FHIT: variants seen among roughly 807,000 people sequenced by gnomAD.
FHIT encodes bis(5'-adenosyl)-triphosphatase.
A neutral mutation model predicts 17.9 loss-of-function variants in FHIT; 19 were observed. The ratio of observed to expected loss-of-function variants is 1.06; its 90% CI spans 0.74 to 1.56. FHIT has a LOEUF of 1.56. Ranked by LOEUF, FHIT falls within the 40% of genes most tolerant of loss-of-function variation. The pLI is 0.00. For missense variants in FHIT, 248 were observed against 189.2 expected, an observed-to-expected ratio of 1.31 and a Z score of -1.82; for synonymous variants, 81 against 69.7, an observed-to-expected ratio of 1.16 and a Z score of -0.81.
intron 4 of FHIT, among the ~76,000 whole-genome samples, chr3:60,578,440 A>AACACACACACAC (rs71748891): frequency 0.025 from 3,667 of 144,314 alleles, 65 homozygotes; most frequent in South Asian, 0.047. Flanking sequence ...CCATCTACAA[A>AACACACACACAC]ACACACACAC....
chr3:59,862,860 TACTC>T (rs1382110453), intron 8 of FHIT, among the ~76,000 whole-genome samples: 1 of 142,986 alleles, frequency 7.0e-6, no homozygotes, highest in Non-Finnish European at 1.5e-5. Context: ...CCTGGGTACT[TACTC>T]ACCAACTTCC....
chr3:59,953,576 C>T (rs887016475), intron 7 of FHIT, among the ~76,000 whole-genome samples: 1 of 152,182 alleles, frequency 6.6e-6, no homozygotes, highest in Non-Finnish European at 1.5e-5. Context: ...CCCAACAAAA[C>T]TCATGCTGTA....
chr3:60,556,833 G>C (rs1839075), intron 4 of FHIT, among the ~76,000 whole-genome samples: 42,735 of 152,032 alleles, frequency 0.28, 6,280 homozygotes, highest in East Asian at 0.39. Flanking sequence ...CCACCGTGTT[G>C]AACACTGTCT....
At chr3:60,327,048 T>C (rs906874827) in intron 5 of FHIT, among the ~76,000 whole-genome samples, 5 of 151,904 alleles carry the variant, frequency 3.3e-5, no homozygotes, top group African/African-American at 1.2e-4. Context: ...CTCATGGAGG[T>C]CGTCCCCAGG....
chr3:60,280,227 G>C (rs1576413788), intron 5 of FHIT, among the ~76,000 whole-genome samples: 1 of 151,972 alleles, frequency 6.6e-6, no homozygotes, highest in Non-Finnish European at 1.5e-5. Context: ...TCGTCAACTC[G>C]ATACCAAAAA....
At chr3:61,000,699 C>T (rs1021570350) in intron 3 of FHIT, among the ~76,000 whole-genome samples, 7 of 152,252 alleles carry the variant, frequency 4.6e-5, no homozygotes, top group South Asian at 2.1e-4. Flanking sequence ...TGGTGAGTTC[C>T]GTGGGGTTTC....
At chr3:60,767,632 T>G (rs1172613756) in intron 4 of FHIT, among the ~76,000 whole-genome samples, 1 of 152,204 alleles carries the variant, frequency 6.6e-6, no homozygotes, top group Non-Finnish European at 1.5e-5. Flanking sequence ...TTAACAAAAT[T>G]CGGTGTCTTC....
intron 5 of FHIT, among the ~76,000 whole-genome samples, chr3:60,250,724 C>T (rs540570893): frequency 8.5e-5 from 13 of 152,138 alleles, no homozygotes; most frequent in South Asian, 2.1e-4. Context: ...CTTCTTCAGG[C>T]TTTGCAATTA....
chr3:60,380,430 C>T lies in FHIT; in HGVS notation c.103+156430G>A, dbSNP rs550031104. On this transcript the variant is annotated intron_variant, in intron 5 of 9. Transcript: ENST00000492590. ...CCTGCAGAACCATGAACCAAACAAA[C>T]CTCTTTTCATTATAAATTACCTAGT... Among the ~76,000 whole-genome samples the T allele has an allele frequency of 3.9e-5, 6 of 152,292 alleles. No homozygotes were observed. The East Asian group carries it at 9.6e-4, about 24-fold the overall frequency.
At chr3:60,519,643 A>G (rs1006099673) in intron 5 of FHIT, among the ~76,000 whole-genome samples, 5 of 152,226 alleles carry the variant, frequency 3.3e-5, no homozygotes, top group African/African-American at 1.2e-4. Flanking sequence ...GTATTATACT[A>G]TATGTATTGA....
intron 8 of FHIT, among the ~76,000 whole-genome samples, chr3:59,755,044 C>A (rs1461740409): frequency 6.6e-6 from 1 of 152,150 alleles, no homozygotes; most frequent in African/African-American, 2.4e-5. Context: ...GGTGCACTTA[C>A]TGTTGAGAAT....
chr3:60,924,586 G>A, intron 3 of FHIT, among the ~76,000 whole-genome samples: 1 of 152,110 alleles, frequency 6.6e-6, no homozygotes, highest in Non-Finnish European at 1.5e-5. Context: ...ACCAAAGGTA[G>A]ATAAAACCAC....
At chr3:60,085,059 T>C (rs1307647877) in intron 5 of FHIT, among the ~76,000 whole-genome samples, 1 of 152,162 alleles carries the variant, frequency 6.6e-6, no homozygotes, top group Non-Finnish European at 1.5e-5. Context: ...TGGCTCCCTG[T>C]CGCCATGTTT....
intron 1 of FHIT, among the ~76,000 whole-genome samples, chr3:61,205,915 T>A (rs1451939462): frequency 2.7e-5 from 4 of 148,434 alleles, no homozygotes; most frequent in African/African-American, 7.5e-5. Flanking sequence ...CTGAATGGTA[T>A]TGCCTAGGTT....
Position 60,077,738 on chromosome 3 carries a change from A to G in FHIT, c.104-63586T>C, listed in dbSNP as rs868042614. Among the ~76,000 whole-genome samples the G allele has an allele frequency of 1.8e-3, 220 of 122,584 alleles. 3 individuals carry two copies. The highest frequency in any genetic ancestry group is 3.8e-3 in the Middle Eastern group (1 of 262). The allele number at this position is 122,584 out of a possible 152,430, so 80.4% of individuals were successfully genotyped here. On this transcript the variant is annotated intron_variant, in intron 5 of 9. Coordinates refer to ENST00000492590, the MANE Select transcript of FHIT (RefSeq NM_002012.4). ...CACACACACACACACACATATATAG[A>G]GGGGGGGGGGAGGATACAAAGTAAC...
At chr3:60,762,911 T>C (rs1395582045) in intron 4 of FHIT, among the ~76,000 whole-genome samples, 2 of 152,140 alleles carry the variant, frequency 1.3e-5, no homozygotes, top group African/African-American at 4.8e-5. Flanking sequence ...TGGACTGAGA[T>C]CTCAGCCTTC....
At chr3:60,916,174 A>C (rs1575684877) in intron 3 of FHIT, among the ~76,000 whole-genome samples, 1 of 152,290 alleles carries the variant, frequency 6.6e-6, no homozygotes, top group East Asian at 1.9e-4. Flanking sequence ...TGGACACTTA[A>C]GCTGTTTTTA....
intron 3 of FHIT, among the ~76,000 whole-genome samples, chr3:60,831,536 G>C (rs1553742520): frequency 6.6e-6 from 1 of 152,158 alleles, no homozygotes; most frequent in Non-Finnish European, 1.5e-5. Flanking sequence ...AGAAGAGAGA[G>C]CACTGAATAA....
At chr3:61,024,693 T>C (rs1057430617) in intron 3 of FHIT, among the ~76,000 whole-genome samples, 1 of 152,166 alleles carries the variant, frequency 6.6e-6, no homozygotes, top group African/African-American at 2.4e-5. Context: ...GTAATTTAAA[T>C]GAAGCTACCA....
Sources: allele counts gnomAD v4.1 joint callset (sites outside exome capture counted in the v4.1 genomes callset), GRCh38; gene constraint gnomAD v4.1.1; transcripts MANE v1.5; gene names NCBI Gene and HGNC (gene_info 2026-07-23, HGNC 2026-07-21).